Variants in TMF1 observed in about 807,000 individuals in gnomAD.
TMF1 encodes the protein TATA element modulatory factor 1.
In TMF1, 71 loss-of-function variants were observed where a neutral mutation model predicts 126.5. That is an observed-to-expected ratio of 0.56 (90% confidence interval 0.46 to 0.68). TMF1 has a LOEUF of 0.68. TMF1 is among the 30% of genes least tolerant of loss of function. The pLI is 0.00. For synonymous variants in TMF1, 461 were observed against 430.5 expected (o/e 1.07, Z -0.88); for missense variants, 1,259 against 1,253.2 (o/e 1.00, Z -0.07).
At position 69,038,673 on chromosome 3, in the gene TMF1, G is replaced by A; in HGVS notation, c.2042C>T (p.Ala681Val). Residue 681 changes from alanine to valine, a missense_variant, in exon 8 of 17, where the codon GCA becomes GTA. By Grantham distance (64) the Ala-to-Val change is moderately conservative (BLOSUM62 0). Transcript: ENST00000398559. ...HKANAAKDSE[A>V]QEAALSREMK... ...TTCACGGCTCAGAGCAGCTTCCTGT[G>A]CCTCACTATCCTTTGCAGCATTGGC... The A allele has an allele frequency of 6.2e-7, 1 of 1,614,120 alleles. No individual in the cohort carries two copies. Among genetic ancestry groups the A allele is most frequent in the Non-Finnish European group, 8.5e-7 (1 of 1,180,002 alleles).
intron 8 of TMF1, 103 bp from the exon 9 acceptor site, chr3:69,035,218 C>G (rs2091825626): frequency 2.3e-6 from 2 of 874,902 alleles, no homozygotes; most frequent in Non-Finnish European, 3.6e-6. Context: ...TTCATGTATA[C>G]TATTTCATAC....
chr3:69,047,346 T>TTA lies in TMF1; in HGVS notation c.1347+11_1347+12insTA. ...AGCACATCTAAAAATCCCTTCCACT[T>TTA]ACTAGAGTTACCTTGCAAACATCTT... On this transcript the variant is annotated intron_variant, in intron 2 of 16. Transcript: ENST00000398559. 1 of 1,557,176 alleles carries TTA rather than the reference T, an allele frequency of 6.4e-7. No individual in the cohort carries two copies. Among genetic ancestry groups the TTA allele is most frequent in the Non-Finnish European group, 8.7e-7 (1 of 1,152,154 alleles).
At position 69,020,971 on chromosome 3, in the gene TMF1, C is replaced by T. The variant is rs1430927821; in HGVS notation, c.*2206G>A. 4 of 152,124 alleles carry T rather than the reference C, an allele frequency of 2.6e-5. No individual in the cohort carries two copies. Among genetic ancestry groups the T allele is most frequent in the Middle Eastern group, 3.2e-3 (1 of 316 alleles). 9.4% of individuals were successfully genotyped at this position (152,124 alleles called of 1,614,324 possible). A position where few individuals can be genotyped will look rare whatever the true frequency, so the allele number is the denominator to read the frequency against. On this transcript the variant is annotated 3_prime_UTR_variant, in exon 17 of 17. Coordinates refer to ENST00000398559, the MANE Select transcript of TMF1 (RefSeq NM_007114.3). ...ATTCCAAAACGTCTAGTTTCAAATG[C>T]TTCAGAGAATTTTGTAACTTAAGTT... is the stretch of plus-strand genomic sequence containing the variant.
chr3:69,040,877 A>T (rs2091860268), intron 5 of TMF1, among the ~76,000 whole-genome samples: 1 of 151,824 alleles, frequency 6.6e-6, no homozygotes, highest in South Asian at 2.1e-4. Context: ...AGCCGGGATC[A>T]TGCCACTGTA....
chr3:69,030,825 C>T (rs1306404277), intron 10 of TMF1: 1 of 152,202 alleles, frequency 6.6e-6, no homozygotes, highest in African/African-American at 2.4e-5. Context: ...ATTACTCTTA[C>T]ACAGCCACTT....
chr3:69,035,167 A>C, intron 8 of TMF1, 52 bp from the exon 9 acceptor site: 1 of 1,396,908 alleles, frequency 7.2e-7, no homozygotes, highest in Non-Finnish European at 1.0e-6. Flanking sequence ...TATTATCTAT[A>C]ACTTCCCACT....
chr3:69,051,291 A>G (rs2091926969), intron 1 of TMF1, among the ~76,000 whole-genome samples: 1 of 152,120 alleles, frequency 6.6e-6, no homozygotes, highest in Non-Finnish European at 1.5e-5. Context: ...CCTGGCCAAC[A>G]TAGTGAAACC....
chr3:69,044,604 G>C lies in TMF1; in HGVS notation c.1348-9C>G, dbSNP rs985628434. 1.9e-6 allele frequency: 3 copies of C among 1,573,220 alleles called. No homozygotes were observed. Among genetic ancestry groups the C allele is most frequent in the Non-Finnish European group, 2.6e-6 (3 of 1,154,062 alleles). On this transcript the variant is annotated splice_polypyrimidine_tract_variant and intron_variant, in intron 2 of 16. Transcript: ENST00000398559. Reference sequence around the variant, plus strand: ...TTCAGAAATTCAACTGTCTGGATAAGGCGAATACATAAAAGTCAGAACGCT... The same window carrying C: ...TTCAGAAATTCAACTGTCTGGATAACGCGAATACATAAAAGTCAGAACGCT...
chr3:69,024,645 G>C (rs2091756800), intron 15 of TMF1, among the ~76,000 whole-genome samples: 1 of 151,990 alleles, frequency 6.6e-6, no homozygotes, highest in Non-Finnish European at 1.5e-5. Context: ...AGATTAGTCT[G>C]ATCTACTTTT....
At chr3:69,044,290 G>A (rs913176345) in intron 3 of TMF1, among the ~76,000 whole-genome samples, 1 of 152,106 alleles carries the variant, frequency 6.6e-6, no homozygotes, top group Admixed American at 6.5e-5. Context: ...TTCCAGTTTT[G>A]CAAAATGACT....
intron 1 of TMF1, 78 bp from the exon 2 acceptor site, chr3:69,048,640 T>C: frequency 1.6e-6 from 2 of 1,284,190 alleles, no homozygotes; most frequent in Non-Finnish European, 2.1e-6. Context: ...TAAATCAGTA[T>C]AAATATAAAT....
At position 69,026,104 on chromosome 3, in the gene TMF1, G is replaced by A. The variant is rs536771240; in HGVS notation, c.2758-7C>T. 4 of 1,602,050 alleles carry A rather than the reference G, an allele frequency of 2.5e-6. No homozygotes were observed. Among genetic ancestry groups the A allele is most frequent in the East Asian group, 2.2e-5 (1 of 44,784 alleles). On this transcript the variant is annotated splice_region_variant and splice_polypyrimidine_tract_variant and intron_variant, in intron 13 of 16. Transcript: ENST00000398559. Reference sequence around the variant, plus strand: ...CAGAAAATGGCTTGCGTTCCTTAGGGAGTAAAAAAAATTCTGTTCATATTA... The same window carrying A: ...CAGAAAATGGCTTGCGTTCCTTAGGAAGTAAAAAAAATTCTGTTCATATTA...
rs1001580143 is a variant in TMF1, at chr3:69,020,256, T to C, written c.*2921A>G. On this transcript the variant is annotated 3_prime_UTR_variant, in exon 17 of 17. Transcript: ENST00000398559. ...TTCATGTTTCCTAGGTCAGAAGTTA[T>C]CCACATTTAGAATATCTTAAGTCAC... 29 of 152,310 alleles carry C rather than the reference T, an allele frequency of 1.9e-4. No individual in the cohort carries two copies. Among genetic ancestry groups the C allele is most frequent in the African/African-American group, 6.0e-4 (25 of 41,572 alleles). The allele number at this position is 152,310 out of a possible 1,614,324, so 9.4% of individuals were successfully genotyped here. A position where few individuals can be genotyped will look rare whatever the true frequency, so the allele number is the denominator to read the frequency against.
chr3:69,027,701 GA>G (rs903547720), intron 13 of TMF1, among the ~76,000 whole-genome samples, 198 bp downstream of exon 13: 66 of 147,520 alleles, frequency 4.5e-4, no homozygotes, highest in African/African-American at 1.6e-3. Flanking sequence ...AAAAAATCAT[GA>G]AAAAAATCTC....
In TMF1 at chr3:69,052,145, G is replaced by A; in HGVS notation, c.-59C>T. ...ACCAAGCGGGAAGGCCTCAGGCCTG[G>A]GGAAGGGTGCAGAGGAACGGCTTCG... On this transcript the variant is annotated 5_prime_UTR_variant, in exon 1 of 17. Coordinates refer to ENST00000398559, the MANE Select transcript of TMF1 (RefSeq NM_007114.3). The A allele has an allele frequency of 1.3e-6, 2 of 1,560,076 alleles. No homozygotes were observed. The highest frequency in any genetic ancestry group is 1.7e-6 in the Non-Finnish European group (2 of 1,157,432).
At chr3:69,045,444 CAA>C (rs2091890285) in intron 2 of TMF1, among the ~76,000 whole-genome samples, 1 of 151,302 alleles carries the variant, frequency 6.6e-6, no homozygotes, top group Non-Finnish European at 1.5e-5. Context: ...GCCTGGGTGA[CAA>C]GAGTGAAACT....
chr3:69,042,939 C>A (rs1335912445), intron 4 of TMF1, 27 bp from the exon 5 acceptor site: 16 of 1,485,864 alleles, frequency 1.1e-5, no homozygotes, highest in Non-Finnish European at 1.4e-5. Context: ...CTGTGAATAC[C>A]GTAAAGAATG....
intron 16 of TMF1, 145 bp from the exon 17 acceptor site, chr3:69,023,465 C>T (rs2091750449): frequency 1.4e-6 from 1 of 719,786 alleles, no homozygotes. Context: ...ACTCACACTT[C>T]AGTCTATGTT....
chr3:69,039,322 A>C (rs2091850473), intron 6 of TMF1, among the ~76,000 whole-genome samples: 1 of 152,140 alleles, frequency 6.6e-6, no homozygotes, highest in African/African-American at 2.4e-5. Flanking sequence ...GGCTGATCTC[A>C]AACTCCTGGC....
Sources: allele counts gnomAD v4.1 joint callset (sites outside exome capture counted in the v4.1 genomes callset), GRCh38; gene constraint gnomAD v4.1.1; transcripts MANE v1.5; gene names NCBI Gene and HGNC (gene_info 2026-07-23, HGNC 2026-07-21).